Variants in SEPSECS observed in about 807,000 individuals in gnomAD.
SEPSECS encodes the protein Sep (O-phosphoserine) tRNA:Sec (selenocysteine) tRNA synthase, also known as O-phosphoseryl-tRNA(Sec) selenium transferase.
Under a neutral mutation model 52.1 loss-of-function variants are expected in SEPSECS, and 42 were observed. The ratio of observed to expected loss-of-function variants is 0.81; its 90% CI spans 0.63 to 1.04. SEPSECS has a LOEUF of 1.04. Ranked by LOEUF, SEPSECS falls within the 50% of genes least tolerant of loss-of-function variation. The pLI, the probability that SEPSECS is intolerant of heterozygous loss-of-function variation, is 0.00. For synonymous variants in SEPSECS, 216 were observed against 211.4 expected, an observed-to-expected ratio of 1.02 and a Z score of -0.19; for missense variants, 590 against 610.6, an observed-to-expected ratio of 0.97 and a Z score of 0.36.
In SEPSECS at chr4:25,160,385, A is replaced by C; in HGVS notation, c.-16T>G. ...CGCGGTTCATGACAGCGGTGGCGAC[A>C]GTGGCGAATAAGCGGGAGCACTAGC... On this transcript the variant is annotated 5_prime_UTR_variant, in exon 1 of 11. Coordinates refer to ENST00000382103, the MANE Select transcript of SEPSECS (RefSeq NM_016955.4). 1 of 1,540,276 alleles carries C rather than the reference A, an allele frequency of 6.5e-7. No individual in the cohort carries two copies. Among genetic ancestry groups the C allele is most frequent in the African/African-American group, 1.4e-5 (1 of 72,904 alleles).
chr4:25,120,082 C>T lies in SEPSECS; in HGVS notation c.*3849G>A, dbSNP rs902017403. On this transcript the variant is annotated 3_prime_UTR_variant, in exon 11 of 11. Coordinates refer to ENST00000382103, the MANE Select transcript of SEPSECS (RefSeq NM_016955.4). ...ATTTTCATCTTTAAACAGTCTACAC[C>T]GAAAACATTTTTGGAAACATCTTTT... 5.3e-5 allele frequency: 8 copies of T among 151,828 alleles called. No homozygotes were observed. The highest frequency in any genetic ancestry group is 1.7e-4 in the African/African-American group (7 of 41,360). The allele number at this position is 151,828 out of a possible 1,614,324, so 9.4% of individuals were successfully genotyped here.
At chr4:25,151,335 C>G (rs1307408804) in intron 6 of SEPSECS, among the ~76,000 whole-genome samples, 1 of 152,098 alleles carries the variant, frequency 6.6e-6, no homozygotes, top group Non-Finnish European at 1.5e-5. Context: ...AAAAGTAAGG[C>G]AGCAAGGGTG....
At chr4:25,159,737 A>G in intron 1 of SEPSECS, 1 of 937,574 alleles carries the variant, frequency 1.1e-6, no homozygotes, top group South Asian at 2.2e-5. Flanking sequence ...GTCACACTGC[A>G]TTCCAGCCTG....
chr4:25,154,748 G>C (rs922803814), intron 5 of SEPSECS, among the ~76,000 whole-genome samples: 1 of 152,104 alleles, frequency 6.6e-6, no homozygotes, highest in Admixed American at 6.6e-5. Context: ...CAAGAAAACA[G>C]AGACGGTCTG....
rs767085246 is a variant in SEPSECS, at chr4:25,156,177, T to C, written c.407A>G (p.Asn136Ser). The C allele has an allele frequency of 6.2e-7, 1 of 1,614,088 alleles. No homozygotes were observed. Among genetic ancestry groups the C allele is most frequent in the East Asian group, 2.2e-5 (1 of 44,852 alleles). ...AGTTGCCATAGGAACTACAAAGCAG[T>C]TGGCTACTGTATGGACACCTACAAA... ...IKLAGVHTVA[N>S]CFVVPMATGM... The change falls in exon 4 of 11, where the codon AAC becomes AGC. Residue 136 changes from asparagine to serine, a missense_variant. Physicochemically the swap from Asn to Ser is conservative, Grantham distance 46. Transcript: ENST00000382103.
At chr4:25,127,626 C>T (rs1364725165) in intron 8 of SEPSECS, among the ~76,000 whole-genome samples, 1 of 152,162 alleles carries the variant, frequency 6.6e-6, no homozygotes, top group East Asian at 1.9e-4. Context: ...CTCAGAACTT[C>T]CAGACCTACC....
intron 3 of SEPSECS, among the ~76,000 whole-genome samples, chr4:25,156,403 T>TA (rs10709028): frequency 6.7e-6 from 1 of 150,166 alleles, no homozygotes; most frequent in African/African-American, 2.5e-5. Context: ...ACTTTTTATT[T>TA]AAAAAAAAAA....
intron 8 of SEPSECS, among the ~76,000 whole-genome samples, chr4:25,137,212 A>C (rs1242276706): frequency 2.6e-5 from 4 of 152,234 alleles, no homozygotes; most frequent in African/African-American, 9.6e-5. Flanking sequence ...AACATTAACA[A>C]ATGTGATCTA....
At chr4:25,146,650 T>C (rs954151460) in intron 6 of SEPSECS, among the ~76,000 whole-genome samples, 23 of 152,106 alleles carry the variant, frequency 1.5e-4, no homozygotes, top group African/African-American at 3.9e-4. Context: ...AACCCTTCCA[T>C]CACTAAAACA....
intron 6 of SEPSECS, among the ~76,000 whole-genome samples, chr4:25,148,766 C>A (rs903358226): frequency 4.6e-5 from 7 of 152,098 alleles, no homozygotes; most frequent in Admixed American, 4.6e-4. Flanking sequence ...TAATGGATAG[C>A]CTAAGTACTC....
At chr4:25,150,717 T>A (rs1214303602) in intron 6 of SEPSECS, among the ~76,000 whole-genome samples, 1 of 152,148 alleles carries the variant, frequency 6.6e-6, no homozygotes. Flanking sequence ...TAGAAAATGC[T>A]AGCAAGGGCT....
At chr4:25,138,985 G>C (rs1361028608) in intron 8 of SEPSECS, among the ~76,000 whole-genome samples, 1 of 152,138 alleles carries the variant, frequency 6.6e-6, no homozygotes, top group Non-Finnish European at 1.5e-5. Flanking sequence ...TTCCACAGTT[G>C]TACTAGCCAT....
chr4:25,140,699 T>C (rs540436762), intron 8 of SEPSECS, among the ~76,000 whole-genome samples: 42 of 152,346 alleles, frequency 2.8e-4, no homozygotes, highest in African/African-American at 8.4e-4. Context: ...ATGTATATGG[T>C]ATTTGTATAA....
chr4:25,125,621 T>C (rs1186547399), intron 10 of SEPSECS, 73 bp downstream of exon 10: 2 of 918,724 alleles, frequency 2.2e-6, no homozygotes, highest in Non-Finnish European at 3.6e-6. Context: ...GGGACTATTG[T>C]TGAGGAAAGG....
intron 8 of SEPSECS, among the ~76,000 whole-genome samples, chr4:25,141,014 C>T (rs1278778876): frequency 6.6e-6 from 1 of 151,820 alleles, no homozygotes; most frequent in East Asian, 1.9e-4. Flanking sequence ...ACTTATGTAA[C>T]ATTTATATTG....
chr4:25,159,964 A>G (rs1348440241), intron 1 of SEPSECS: 3 of 985,266 alleles, frequency 3.0e-6, no homozygotes, highest in Non-Finnish European at 3.6e-6. Context: ...CGCGAATAAA[A>G]AAGTACACTG....
chr4:25,144,701 G>A, intron 8 of SEPSECS, 73 bp downstream of exon 8: 2 of 1,076,088 alleles, frequency 1.9e-6, no homozygotes, highest in Non-Finnish European at 1.4e-6. Flanking sequence ...GAAACCAACA[G>A]GCAGAAAACA....
intron 2 of SEPSECS, 30 bp downstream of exon 2, chr4:25,158,923 G>T (rs1365231186): frequency 1.3e-6 from 2 of 1,599,408 alleles, no homozygotes; most frequent in Non-Finnish European, 1.7e-6. Context: ...AATAAACGAT[G>T]TATCTCCTGT....
intron 8 of SEPSECS, among the ~76,000 whole-genome samples, chr4:25,131,001 T>C (rs1037364280): frequency 1.3e-5 from 2 of 152,166 alleles, no homozygotes; most frequent in African/African-American, 4.8e-5. Flanking sequence ...TGTATTTAAC[T>C]TAATTTTAAG....
Sources: allele counts gnomAD v4.1 joint callset (sites outside exome capture counted in the v4.1 genomes callset), GRCh38; gene constraint gnomAD v4.1.1; transcripts MANE v1.5; gene names NCBI Gene and HGNC (gene_info 2026-07-23, HGNC 2026-07-21).